Variants in SLC15A4 observed in about 807,000 individuals in gnomAD.
SLC15A4 encodes the protein solute carrier family 15 member 4, also known as hPHT1.
SLC15A4 carries 26 observed loss-of-function variants against 46.1 expected under a neutral mutation model. That is an observed-to-expected ratio of 0.56 (90% CI 0.41 to 0.78). SLC15A4 has a LOEUF of 0.78. SLC15A4 is among the 30% of genes least tolerant of loss of function. The pLI, the probability that SLC15A4 is intolerant of heterozygous loss-of-function variation, is 0.00. For missense variants in SLC15A4, 751 were observed against 755.7 expected (o/e 0.99, Z 0.07); for synonymous variants, 370 against 333.4 (o/e 1.11, Z -1.20).
chr12:128,802,624 A>G (rs557670174), intron 5 of SLC15A4, among the ~76,000 whole-genome samples: 1 of 152,320 alleles, frequency 6.6e-6, no homozygotes, highest in African/African-American at 2.4e-5. Context: ...GCGGAGGACA[A>G]TAAGTAGATT....
intron 7 of SLC15A4, among the ~76,000 whole-genome samples, chr12:128,796,097 G>A (rs1260488908): frequency 1.3e-5 from 2 of 152,104 alleles, no homozygotes; most frequent in African/African-American, 4.8e-5. Flanking sequence ...TATACTGCAT[G>A]TTCAACAGTG....
chr12:128,808,584 C>A (rs1305396327), intron 5 of SLC15A4, among the ~76,000 whole-genome samples: 1 of 152,130 alleles, frequency 6.6e-6, no homozygotes, highest in Non-Finnish European at 1.5e-5. Flanking sequence ...GTTTTAGTAC[C>A]AGCAGAAAAA....
intron 2 of SLC15A4, among the ~76,000 whole-genome samples, chr12:128,812,538 G>A (rs557464475): frequency 3.9e-5 from 6 of 152,178 alleles, no homozygotes; most frequent in East Asian, 3.9e-4. Flanking sequence ...GGATGGTCTC[G>A]ATCTCCTGAC....
intron 5 of SLC15A4, among the ~76,000 whole-genome samples, chr12:128,806,280 C>T (rs1955588647): frequency 6.6e-6 from 1 of 151,816 alleles, no homozygotes; most frequent in South Asian, 2.1e-4. Context: ...CCATGACCCA[C>T]CTAAGATGAC....
chr12:128,804,622 G>A (rs1593007153), intron 5 of SLC15A4, among the ~76,000 whole-genome samples: 1 of 152,246 alleles, frequency 6.6e-6, no homozygotes, highest in East Asian at 1.9e-4. Context: ...CCCAGCTACT[G>A]TGGAGGCTGA....
rs767039649 is a variant in SLC15A4 at position 128,815,041 on chromosome 12, C to T, written c.576G>A (p.Arg192=). The part of the protein sequence containing the change: ...QVKDRGPEAT[R]RFFNWFYWSI... ...TCCAATAAAACCAATTAAAAAATCT[C>T]CTAGTGGCTTCCGGACCTCGATCTT... The change falls in exon 2 of 8, where the codon AGG becomes AGA. Residue 192 remains arginine, a synonymous_variant. Transcript: ENST00000266771. The T allele has an allele frequency of 9.9e-6, 16 of 1,610,578 alleles. No homozygotes were observed. The highest frequency in any genetic ancestry group is 1.7e-5 in the Admixed American group (1 of 59,950).
chr12:128,804,640 G>T (rs968255704), intron 5 of SLC15A4, among the ~76,000 whole-genome samples: 1 of 152,218 alleles, frequency 6.6e-6, no homozygotes, highest in African/African-American at 2.4e-5. Flanking sequence ...TGAGGCAGGA[G>T]AATCGCTTGA....
Position 128,794,062 on chromosome 12 carries a change from A to T in SLC15A4, c.*134T>A, listed in dbSNP as rs2135700179. The T allele has an allele frequency of 1.1e-6, 1 of 923,098 alleles. No individual in the cohort carries two copies. 57.2% of individuals were successfully genotyped at this position (923,098 alleles called of 1,614,324 possible). A position where few individuals can be genotyped will look rare whatever the true frequency, so the allele number is the denominator to read the frequency against. On this transcript the variant is annotated 3_prime_UTR_variant, in exon 8 of 8. Transcript: ENST00000266771. Reference sequence around the variant, plus strand: ...CTCCTTTGGATAGAGGGAAAGAAGAAATCAATCCAGGCAACATGCAAGTTT... The same window carrying T: ...CTCCTTTGGATAGAGGGAAAGAAGATATCAATCCAGGCAACATGCAAGTTT...
intron 1 of SLC15A4, among the ~76,000 whole-genome samples, chr12:128,823,101 G>C (rs1404771923): frequency 6.6e-6 from 1 of 152,178 alleles, no homozygotes; most frequent in Non-Finnish European, 1.5e-5. Flanking sequence ...GCCTCCCAAA[G>C]TGCTGGAATT....
At chr12:128,802,031 A>T (rs1377685089) in intron 5 of SLC15A4, among the ~76,000 whole-genome samples, 1 of 152,222 alleles carries the variant, frequency 6.6e-6, no homozygotes, top group Non-Finnish European at 1.5e-5. Flanking sequence ...CCAGGATCAA[A>T]GTAGAGAGAG....
At position 128,796,338 on chromosome 12, in the gene SLC15A4, T is replaced by C. The variant is rs144051485; in HGVS notation, c.1574-1982A>G. On this transcript the variant is annotated intron_variant, in intron 7 of 7. Coordinates refer to ENST00000266771, the MANE Select transcript of SLC15A4 (RefSeq NM_145648.4). ...TGCTTGGGAGGCTGAGGCCAGAGAA[T>C]TGTCACTTGAACCCGGGAGGTGAAA... Among the ~76,000 whole-genome samples the C allele has an allele frequency of 2.0e-4, 29 of 146,614 alleles. No homozygotes were observed. The East Asian group carries it at 3.7e-3, about 19-fold the overall frequency.
At chr12:128,812,802 C>T (rs984710389) in intron 2 of SLC15A4, among the ~76,000 whole-genome samples, 4 of 152,230 alleles carry the variant, frequency 2.6e-5, no homozygotes, top group African/African-American at 9.6e-5. Flanking sequence ...GATCAGTAAC[C>T]TGCCCAAGGT....
chr12:128,799,130 G>C (rs1243288416), intron 7 of SLC15A4, 129 bp downstream of exon 7: 1 of 919,652 alleles, frequency 1.1e-6, no homozygotes, highest in African/African-American at 1.6e-5. Flanking sequence ...GCTGTGGAAG[G>C]AGCGGTGGAC....
chr12:128,812,095 G>A (rs1480515663), intron 2 of SLC15A4, among the ~76,000 whole-genome samples: 2 of 152,170 alleles, frequency 1.3e-5, no homozygotes, highest in Non-Finnish European at 2.9e-5. Flanking sequence ...GATTCCCAAA[G>A]AAGTATGTAT....
At chr12:128,810,413 A>G in intron 2 of SLC15A4, 1 of 333,664 alleles carries the variant, frequency 3.0e-6, no homozygotes, top group Admixed American at 4.6e-5. Flanking sequence ...TGAGAGCCCC[A>G]GCGCAGCTGC....
chr12:128,806,731 C>T (rs1423524531), intron 5 of SLC15A4, among the ~76,000 whole-genome samples: 1 of 152,084 alleles, frequency 6.6e-6, no homozygotes, highest in Non-Finnish European at 1.5e-5. Flanking sequence ...TGTGAACTTT[C>T]CACTTCCATG....
At chr12:128,813,568 GAGCA>G (rs1311280816) in intron 2 of SLC15A4, 1 of 152,192 alleles carries the variant, frequency 6.6e-6, no homozygotes, top group African/African-American at 2.4e-5. Flanking sequence ...ACGGCTCCAA[GAGCA>G]TGAGTAAGAC....
At chr12:128,822,820 G>A (rs889310895) in intron 1 of SLC15A4, among the ~76,000 whole-genome samples, 1 of 152,132 alleles carries the variant, frequency 6.6e-6, no homozygotes, top group African/African-American at 2.4e-5. Context: ...ACAGGCGTGA[G>A]CCACTGCGCT....
chr12:128,800,950 C>T lies in SLC15A4; in HGVS notation c.1318G>A (p.Gly440Ser), dbSNP rs774169434. The T allele has an allele frequency of 8.7e-6, 14 of 1,613,960 alleles. No individual in the cohort carries two copies. Among genetic ancestry groups the T allele is most frequent in the South Asian group, 5.5e-5 (5 of 91,074 alleles). Residue 440 changes from glycine (G) to serine (S), a missense_variant, in exon 6 of 8, where the codon GGC becomes AGC. By Grantham distance (56) the Gly-to-Ser change is moderately conservative (BLOSUM62 0). Coordinates refer to ENST00000266771, the MANE Select transcript of SLC15A4 (RefSeq NM_145648.4). Reference protein sequence around the residue: ...VKEKTINQTIGNVVYHAADLS... With the variant: ...VKEKTINQTISNVVYHAADLS... ...TCGGCAGCATGGTAGACGACGTTGCCGATGGTCTGATTAATGGTTTTCTCT... is the reference window on the plus strand; with the variant it reads ...TCGGCAGCATGGTAGACGACGTTGCTGATGGTCTGATTAATGGTTTTCTCT...
Sources: gnomAD v4.1 joint callset for allele counts (sites outside exome capture counted in the v4.1 genomes callset) on GRCh38, gnomAD v4.1.1 for gene constraint, MANE v1.5 for transcripts, NCBI Gene and HGNC (gene_info 2026-07-23, HGNC 2026-07-21) for gene names.